Variants in ZCCHC7 observed in about 807,000 individuals in gnomAD.
ZCCHC7 encodes the protein zinc finger CCHC domain-containing protein 7.
A neutral mutation model predicts 52.0 loss-of-function variants in ZCCHC7; 35 were observed. The observed-to-expected ratio is 0.67, with a 90% CI of 0.51 to 0.89. The LOEUF (loss-of-function observed/expected upper bound fraction) is 0.89, where lower values mean the gene tolerates loss of function less well. Ranked by LOEUF, ZCCHC7 falls within the 40% of genes least tolerant of loss-of-function variation. The pLI is 0.00. For missense variants in ZCCHC7, 574 were observed against 649.1 expected (o/e 0.88, Z 1.26); for synonymous variants, 217 against 221.5 (o/e 0.98, Z 0.18).
At chr9:37,299,003 G>T (rs1324128405) in intron 2 of ZCCHC7, among the ~76,000 whole-genome samples, 1 of 152,094 alleles carries the variant, frequency 6.6e-6, no homozygotes, top group African/African-American at 2.4e-5. Context: ...ATAGATGTTT[G>T]TTAAACGGAG....
rs1201264406 is a variant in ZCCHC7, at chr9:37,354,176, AC to A, written c.1084-528del. ...ACTAGGCATAACCTACCACCAACCT[AC>A]CCCCCACCGTTAAGAATCACTACCC... On this transcript the variant is annotated intron_variant, in intron 7 of 8. Transcript: ENST00000336755. The surrounding 1 kb of genome is among the most constrained non-coding windows in gnomAD (Gnocchi z 4.0). Among the ~76,000 whole-genome samples, 1 of 151,856 alleles carries A rather than the reference AC, an allele frequency of 6.6e-6. No homozygotes were observed. Among genetic ancestry groups the A allele is most frequent in the African/African-American group, 2.4e-5 (1 of 41,326 alleles).
intron 2 of ZCCHC7, among the ~76,000 whole-genome samples, chr9:37,296,155 A>C (rs1337011362): frequency 6.6e-6 from 1 of 152,224 alleles, no homozygotes; most frequent in Admixed American, 6.5e-5. Flanking sequence ...GTTTGCAATC[A>C]TGAAAATTGT....
At chr9:37,283,317 A>G (rs1260272132) in intron 2 of ZCCHC7, among the ~76,000 whole-genome samples, 1 of 152,204 alleles carries the variant, frequency 6.6e-6, no homozygotes, top group Non-Finnish European at 1.5e-5. Context: ...CTAAGTTCCC[A>G]TAGTTTCAGG....
At chr9:37,269,549 A>G (rs1207857758) in intron 2 of ZCCHC7, among the ~76,000 whole-genome samples, 3 of 143,460 alleles carry the variant, frequency 2.1e-5, no homozygotes, top group Non-Finnish European at 3.0e-5. Context: ...AACTGGGGAG[A>G]TCGAGACTGC....
chr9:37,336,303 T>G (rs533071773), intron 6 of ZCCHC7, among the ~76,000 whole-genome samples: 2 of 152,312 alleles, frequency 1.3e-5, no homozygotes, highest in South Asian at 2.1e-4. Flanking sequence ...ATGCAGTTTG[T>G]ATTCTTTCAA....
At chr9:37,355,726 A>C (rs902607961) in intron 8 of ZCCHC7, among the ~76,000 whole-genome samples, 1 of 152,190 alleles carries the variant, frequency 6.6e-6, no homozygotes, top group African/African-American at 2.4e-5. Flanking sequence ...GTTCGTATAC[A>C]CAAGTTTCTA....
chr9:37,320,566 T>C (rs533267918), intron 5 of ZCCHC7, among the ~76,000 whole-genome samples: 3 of 152,232 alleles, frequency 2.0e-5, no homozygotes, highest in Admixed American at 6.5e-5. Flanking sequence ...AATCCATGAA[T>C]ATGGTATGTC....
In ZCCHC7 at chr9:37,357,197, AAGG is replaced by A; in HGVS notation, c.1564_1566del (p.Glu522del). 1 of 1,613,516 alleles carries A rather than the reference AAGG, an allele frequency of 6.2e-7. No homozygotes were observed. Among genetic ancestry groups the A allele is most frequent in the Non-Finnish European group, 8.5e-7 (1 of 1,179,914 alleles). On this transcript the variant is annotated inframe_deletion, in exon 9 of 9. Transcript: ENST00000336755. The stretch of plus-strand genomic sequence containing the variant: ...AGGCAAGAGGGGCAAGCAGAAGAAA[AAGG>A]AGAGGTGCTGGGAAGATGATGACAA...
intron 2 of ZCCHC7, among the ~76,000 whole-genome samples, chr9:37,209,558 A>G (rs375583217): frequency 7.2e-5 from 11 of 151,970 alleles, no homozygotes; most frequent in African/African-American, 2.7e-4. Context: ...TTAATGTTTT[A>G]TATGCATATG....
intron 2 of ZCCHC7, among the ~76,000 whole-genome samples, chr9:37,188,425 A>G (rs2133085441): frequency 6.6e-6 from 1 of 151,304 alleles, no homozygotes; most frequent in Admixed American, 6.6e-5. Flanking sequence ...AGAGTGCTGG[A>G]ATTAGGTGTG....
intron 2 of ZCCHC7, among the ~76,000 whole-genome samples, chr9:37,244,308 A>G (rs1825994821): frequency 1.3e-5 from 2 of 151,588 alleles, no homozygotes; most frequent in Admixed American, 1.3e-4. Context: ...TTTTAAATAG[A>G]AACATTTTTT....
chr9:37,154,618 ACTAAGGGTGC>A (rs1233274835), intron 2 of ZCCHC7, among the ~76,000 whole-genome samples: 1 of 151,790 alleles, frequency 6.6e-6, no homozygotes, highest in Non-Finnish European at 1.5e-5. Flanking sequence ...AGAGGCTGGG[ACTAAGGGTGC>A]ACACCACCAT....
chr9:37,279,498 C>T (rs575484419), intron 2 of ZCCHC7, among the ~76,000 whole-genome samples: 194 of 151,420 alleles, frequency 1.3e-3, no homozygotes, highest in African/African-American at 4.3e-3. Flanking sequence ...TAAATTACTC[C>T]AAAGGACGAA....
At chr9:37,262,015 C>T (rs1425871144) in intron 2 of ZCCHC7, among the ~76,000 whole-genome samples, 2 of 152,032 alleles carry the variant, frequency 1.3e-5, no homozygotes, top group East Asian at 1.9e-4. Context: ...TTATGTCAGT[C>T]TAGAGTCTCC....
chr9:37,127,338 A>G (rs1481564241), intron 2 of ZCCHC7, among the ~76,000 whole-genome samples: 4 of 151,980 alleles, frequency 2.6e-5, no homozygotes, highest in Admixed American at 1.3e-4. Context: ...GTCTCTTCCT[A>G]TGGGATTTGC....
At chr9:37,306,318 C>T (rs961000506) in intron 5 of ZCCHC7, among the ~76,000 whole-genome samples, 22 of 152,248 alleles carry the variant, frequency 1.4e-4, no homozygotes, top group Non-Finnish European at 2.4e-4. Context: ...ATCTGCCCGC[C>T]TCAGCCTCCT....
intron 2 of ZCCHC7, among the ~76,000 whole-genome samples, chr9:37,128,407 T>C (rs1664069314): frequency 1.3e-5 from 2 of 152,088 alleles, no homozygotes; most frequent in African/African-American, 4.8e-5. Flanking sequence ...GTGGAAGGGA[T>C]GTTTAAGTGC....
chr9:37,263,254 A>C (rs546128534), intron 2 of ZCCHC7, among the ~76,000 whole-genome samples: 1 of 152,210 alleles, frequency 6.6e-6, no homozygotes, highest in East Asian at 1.9e-4. Context: ...GAATTTTAGA[A>C]TCTTACTTTC....
At chr9:37,176,034 ATTTC>A (rs1342699278) in intron 2 of ZCCHC7, among the ~76,000 whole-genome samples, 3 of 151,914 alleles carry the variant, frequency 2.0e-5, no homozygotes, top group African/African-American at 7.3e-5. Flanking sequence ...TCTGACAAAT[ATTTC>A]TTAAGCCTCA....
Sources: allele counts gnomAD v4.1 joint callset (sites outside exome capture counted in the v4.1 genomes callset), GRCh38; gene constraint gnomAD v4.1.1; non-coding constraint Gnocchi (gnomAD v3.1); transcripts MANE v1.5; gene names NCBI Gene and HGNC (gene_info 2026-07-23, HGNC 2026-07-21).